The following TMEM63A variants were observed in gnomAD, a reference collection of about 807,000 sequenced individuals.
TMEM63A encodes the protein mechanosensitive cation channel TMEM63A.
In TMEM63A, 76 loss-of-function variants were observed where a neutral mutation model predicts 100.6. The observed-to-expected ratio is 0.76, with a 90% CI of 0.63 to 0.91. The LOEUF is 0.91. Ranked by LOEUF, TMEM63A falls within the 40% of genes least tolerant of loss-of-function variation. The probability of loss-of-function intolerance (pLI) is 0.00; values close to 1 mark genes in which losing one functional copy is unlikely to be tolerated. For synonymous variants in TMEM63A, 401 were observed against 401.1 expected, an observed-to-expected ratio of 1.00 and a Z score of 0.00; for missense variants, 876 against 1,008.8, an observed-to-expected ratio of 0.87 and a Z score of 1.78.
downstream of TMEM63A, among the ~76,000 whole-genome samples, chr1:225,844,177 G>A (rs927898466): frequency 2.6e-5 from 4 of 152,098 alleles, no homozygotes; most frequent in East Asian, 5.8e-4. Context: ...AGTAGCTGGT[G>A]CCCTGAGCAG....
chr1:225,852,983 G>A (rs1265586834), intron 19 of TMEM63A, among the ~76,000 whole-genome samples: 1 of 152,204 alleles, frequency 6.6e-6, no homozygotes, highest in African/African-American at 2.4e-5. Context: ...ATGCGTGTTT[G>A]CTAGTGCTCC....
downstream of TMEM63A, among the ~76,000 whole-genome samples, chr1:225,844,836 T>C (rs1355989263): frequency 6.6e-6 from 1 of 152,146 alleles, no homozygotes; most frequent in Non-Finnish European, 1.5e-5. Flanking sequence ...CGGCCCTCAG[T>C]ACCGCTCCCC....
chr1:225,866,403 G>GT (rs1251906611), intron 9 of TMEM63A, 171 bp downstream of exon 9: 99 of 604,354 alleles, frequency 1.6e-4, no homozygotes, highest in East Asian at 2.0e-4. Flanking sequence ...CCAGGAAACT[G>GT]TTTTTTTTAA....
At chr1:225,868,120 T>A in intron 6 of TMEM63A, 90 bp from the exon 7 acceptor site, 2 of 1,500,598 alleles carry the variant, frequency 1.3e-6, no homozygotes, top group Non-Finnish European at 1.8e-6. Flanking sequence ...ACCACACTCT[T>A]ATGAGATGGT....
At chr1:225,858,743 C>T (rs1002849629) in intron 15 of TMEM63A, among the ~76,000 whole-genome samples, 1 of 152,148 alleles carries the variant, frequency 6.6e-6, no homozygotes, top group African/African-American at 2.4e-5. Flanking sequence ...CCCGTAGTGT[C>T]CATGATAGAC....
downstream of TMEM63A, among the ~76,000 whole-genome samples, chr1:225,844,194 G>A (rs751176455): frequency 1.6e-4 from 25 of 152,122 alleles, no homozygotes; most frequent in Non-Finnish European, 3.5e-4. Flanking sequence ...GCAGTTTCAC[G>A]GTGCAGGGGT....
chr1:225,845,023 T>C (rs1009319533), downstream of TMEM63A: 1 of 1,085,604 alleles, frequency 9.2e-7, no homozygotes, highest in Non-Finnish European at 1.4e-6. Flanking sequence ...TTTGTCCTTT[T>C]CTTTATGGCT....
At chr1:225,845,138 A>G, downstream of TMEM63A, 1 of 1,613,398 alleles carries the variant, frequency 6.2e-7, no homozygotes, top group Non-Finnish European at 8.5e-7. Flanking sequence ...CGGCTCTTTC[A>G]CTTCCAGGAT....
At chr1:225,880,007 C>T (rs181539462) in intron 1 of TMEM63A, among the ~76,000 whole-genome samples, 13 of 152,264 alleles carry the variant, frequency 8.5e-5, no homozygotes, top group South Asian at 2.1e-4. Flanking sequence ...GAGGCCTCTG[C>T]GGAGGGAAAC....
downstream of TMEM63A, chr1:225,845,442 T>A (rs535574603): frequency 2.9e-4 from 390 of 1,348,684 alleles, 3 homozygotes; most frequent in South Asian, 4.9e-3. Flanking sequence ...TGAGTTTGCC[T>A]CCGTCCCCTG....
chr1:225,848,457 G>A, intron 23 of TMEM63A, 35 bp downstream of exon 23: 4 of 1,610,794 alleles, frequency 2.5e-6, no homozygotes, highest in Non-Finnish European at 3.4e-6. Context: ...CAAAAAAAAG[G>A]GCGACAAGCT....
intron 18 of TMEM63A, 149 bp downstream of exon 18, chr1:225,855,729 G>A (rs920148169): frequency 1.5e-5 from 11 of 719,614 alleles, no homozygotes; most frequent in Non-Finnish European, 2.3e-5. Flanking sequence ...CAGGGTGGAG[G>A]TGAGGCCCCA....
Position 225,853,766 on chromosome 1 carries a change from C to G in TMEM63A, c.1660G>C (p.Ala554Pro). 6.2e-7 allele frequency: 1 copy of G among 1,607,610 alleles called. No homozygotes were observed. The highest frequency in any genetic ancestry group is 8.5e-7 in the Non-Finnish European group (1 of 1,176,940). The stretch of plus-strand genomic sequence containing the variant: ...GCGATGACATAGTTCACAAAGAAGG[C>G]ACCCTGGTCAGGCAGGAAGACGCAC... ...LECVFLPDQGAFFVNYVIASA... is the reference protein window; with the variant it reads ...LECVFLPDQGPFFVNYVIASA... The change falls in exon 19 of 25, where the codon GCC becomes CCC. Residue 554 changes from alanine to proline, a missense_variant. Coordinates refer to ENST00000366835, the MANE Select transcript of TMEM63A (RefSeq NM_014698.3). This position sits in a 1 kb window ranked among gnomAD's most constrained non-coding sequence, Gnocchi z 4.0.
Position 225,875,224 on chromosome 1 carries a change from C to A in TMEM63A, c.187-857G>T, listed in dbSNP as rs528140307. 7.2e-5 allele frequency among the ~76,000 whole-genome samples: 11 copies of A among 152,274 alleles called. No homozygotes were observed. In the East Asian group the frequency reaches 1.2e-3, roughly 16 times the overall value. On this transcript the variant is annotated intron_variant, in intron 3 of 24. Transcript: ENST00000366835. ...ACCTGTGCTCGGGCTGGCTTGGCCT[C>A]CGTAAGCTGGGACACCTCAGCAAGC...
chr1:225,870,050 T>C (rs1670423927), intron 6 of TMEM63A, among the ~76,000 whole-genome samples: 1 of 152,064 alleles, frequency 6.6e-6, no homozygotes, highest in East Asian at 1.9e-4. Context: ...TAGTGCTATA[T>C]AAAATAACAT....
Position 225,856,974 on chromosome 1 carries a change from G to A in TMEM63A, c.1421C>T (p.Ser474Phe), listed in dbSNP as rs139209425. 6.2e-7 allele frequency: 1 copy of A among 1,601,458 alleles called. No homozygotes were observed. The highest frequency in any genetic ancestry group is 8.5e-7 in the Non-Finnish European group (1 of 1,176,640). The change falls in exon 16 of 25, where the codon TCC becomes TTC. Residue 474 changes from serine to phenylalanine, a missense_variant. Physicochemically the swap from Ser to Phe is radical, Grantham distance 155. Coordinates refer to ENST00000366835, the MANE Select transcript of TMEM63A (RefSeq NM_014698.3). ...SQFFPTLLLW[S>F]FSALLPSIVY... ...AATGGAGGGGAGCAGGGCCGAGAAG[G>A]ACCAGAGCAGGAGGGTGGGGAAGAA...
chr1:225,875,556 G>A (rs1670739827), intron 3 of TMEM63A, among the ~76,000 whole-genome samples: 1 of 152,182 alleles, frequency 6.6e-6, no homozygotes, highest in South Asian at 2.1e-4. Context: ...TTTTCTTCAG[G>A]TGAATCAGGA....
At chr1:225,866,354 A>C in intron 9 of TMEM63A, 1 of 549,570 alleles carries the variant, frequency 1.8e-6, no homozygotes. Context: ...AAATTTCTTT[A>C]CTTAGCACCA....
chr1:225,847,908 C>T (rs942527240), intron 23 of TMEM63A, among the ~76,000 whole-genome samples: 3 of 152,184 alleles, frequency 2.0e-5, no homozygotes, highest in African/African-American at 7.2e-5. Context: ...GTCAGGAAGG[C>T]TGGTGACTAC....
Sources: gnomAD v4.1 joint callset for allele counts (sites outside exome capture counted in the v4.1 genomes callset) on GRCh38, gnomAD v4.1.1 for gene constraint, Gnocchi (gnomAD v3.1) non-coding constraint, MANE v1.5 for transcripts, NCBI Gene and HGNC (gene_info 2026-07-23, HGNC 2026-07-21) for gene names.